Variants in QTRT2 observed in about 807,000 individuals in gnomAD.
QTRT2 encodes queuine tRNA-ribosyltransferase domain containing 1.
Under a neutral mutation model 44.8 loss-of-function variants are expected in QTRT2, and 32 were observed. That is an observed-to-expected ratio of 0.71 (90% CI 0.54 to 0.96). The LOEUF is 0.96. Ranked by LOEUF, QTRT2 falls within the 40% of genes least tolerant of loss-of-function variation. The probability of loss-of-function intolerance (pLI) is 0.00; values close to 1 mark genes in which losing one functional copy is unlikely to be tolerated. For missense variants in QTRT2, 461 were observed against 503.1 expected (o/e 0.92, Z 0.80); for synonymous variants, 182 against 187.4 (o/e 0.97, Z 0.24).
In QTRT2 at chr3:114,082,687, A is replaced by G; in HGVS notation, c.909A>G (p.Gln303=). ...TGGTTTGTCCTTCAGTACTACAACAAAATGGAACACAAGAAGAAATAAAAT... is the reference window on the plus strand; with the variant it reads ...TGGTTTGTCCTTCAGTACTACAACAGAATGGAACACAAGAAGAAATAAAAT... ...QPNPEETLLQ[Q]NGTQEEIKCM... The change falls in exon 9 of 10, where the codon CAA becomes CAG. Residue 303 remains glutamine, a synonymous_variant. Coordinates refer to ENST00000281273, the MANE Select transcript of QTRT2 (RefSeq NM_024638.4). 2.1e-6 allele frequency: 3 copies of G among 1,452,694 alleles called. No homozygotes were observed. Among genetic ancestry groups the G allele is most frequent in the Non-Finnish European group, 2.8e-6 (3 of 1,057,748 alleles). The allele number at this position is 1,452,694 out of a possible 1,614,324, so 90.0% of individuals were successfully genotyped here.
At chr3:114,080,430 C>T (rs1166078176) in intron 8 of QTRT2, among the ~76,000 whole-genome samples, 1 of 152,130 alleles carries the variant, frequency 6.6e-6, no homozygotes. Context: ...GCTTTGCAAA[C>T]CCTATGCTAT....
Position 114,065,403 on chromosome 3 carries a change from C to T in QTRT2, c.146C>T (p.Thr49Met), listed in dbSNP as rs148580228. The T allele has an allele frequency of 1.1e-5, 17 of 1,614,130 alleles. No homozygotes were observed. In the East Asian group the frequency reaches 1.1e-4, roughly 11 times the overall value. The part of the protein sequence containing the change: ...TGSAPHLTHH[T>M]LHNIHGVPAM... ...TCCGCCCCACACCTCACCCATCACA[C>T]GCTGCATAATATCCACGGGGTTCCT... is the stretch of plus-strand genomic sequence containing the variant. Residue 49 changes from threonine (T) to methionine (M), a missense_variant, in exon 3 of 10, where the codon ACG becomes ATG. Transcript: ENST00000281273.
intron 4 of QTRT2, chr3:114,066,558 T>C: frequency 2.5e-6 from 1 of 394,406 alleles, no homozygotes; most frequent in South Asian, 3.2e-5. Flanking sequence ...ATGGATATCA[T>C]GACAGGCCAG....
chr3:114,069,750 G>T (rs1205397205), intron 5 of QTRT2, among the ~76,000 whole-genome samples: 1 of 152,004 alleles, frequency 6.6e-6, no homozygotes, highest in Non-Finnish European at 1.5e-5. Context: ...TATTGCTCTG[G>T]GTATATGCCC....
intron 6 of QTRT2, among the ~76,000 whole-genome samples, chr3:114,071,873 G>T (rs766097401): frequency 1.3e-5 from 2 of 152,146 alleles, no homozygotes; most frequent in Non-Finnish European, 2.9e-5. Flanking sequence ...TTCCCTAAAA[G>T]AATTTAATGA....
chr3:114,086,154 G>T lies in QTRT2; in HGVS notation c.*250G>T. The T allele has an allele frequency of 2.3e-6, 1 of 434,952 alleles. No individual in the cohort carries two copies. Among genetic ancestry groups the T allele is most frequent in the Non-Finnish European group, 4.3e-6 (1 of 234,498 alleles). The allele number at this position is 434,952 out of a possible 1,614,324, so 26.9% of individuals were successfully genotyped here. Reference sequence around the variant, plus strand: ...TAAGACTTCTAGACTAATTCTTTTAGTTGATAGAGATTCATTTAGTCAAAG... The same window carrying T: ...TAAGACTTCTAGACTAATTCTTTTATTTGATAGAGATTCATTTAGTCAAAG... On this transcript the variant is annotated 3_prime_UTR_variant, in exon 10 of 10. Transcript: ENST00000281273.
In QTRT2 at chr3:114,076,809, TCAGCACGAGAGA is replaced by T; in HGVS notation, c.618_629del (p.Arg207_Ala210del). ...AGATGTGATGGAAGAGAGGCTGAGG[TCAGCACGAGAGA>T]CAGCCAAGCGGCCTGTGGGTGGCTT... is the stretch of plus-strand genomic sequence containing the variant. On this transcript the variant is annotated inframe_deletion, in exon 7 of 10. Coordinates refer to ENST00000281273, the MANE Select transcript of QTRT2 (RefSeq NM_024638.4). 1 of 1,614,112 alleles carries T rather than the reference TCAGCACGAGAGA, an allele frequency of 6.2e-7. No individual in the cohort carries two copies. The highest frequency in any genetic ancestry group is 8.5e-7 in the Non-Finnish European group (1 of 1,180,004).
intron 2 of QTRT2, chr3:114,057,375 A>G (rs1427922061): frequency 6.5e-6 from 1 of 153,050 alleles, no homozygotes; most frequent in Admixed American, 6.5e-5. Flanking sequence ...AACTTGTTTA[A>G]TAACTCAGAG....
chr3:114,085,064 T>C (rs775180090), intron 9 of QTRT2, among the ~76,000 whole-genome samples: 12 of 152,222 alleles, frequency 7.9e-5, no homozygotes, highest in Non-Finnish European at 1.6e-4. Flanking sequence ...CATTATGTGC[T>C]TTTACAATGT....
At chr3:114,067,152 T>C (rs1339077743) in intron 4 of QTRT2, among the ~76,000 whole-genome samples, 1 of 152,194 alleles carries the variant, frequency 6.6e-6, no homozygotes, top group Non-Finnish European at 1.5e-5. Flanking sequence ...CCCTGTATTT[T>C]AGTAGAGGAA....
At chr3:114,085,623 AT>A (rs1244972799) in intron 9 of QTRT2, 49 bp from the exon 10 acceptor site, 1 of 1,475,750 alleles carries the variant, frequency 6.8e-7, no homozygotes, top group Non-Finnish European at 9.5e-7. Flanking sequence ...GAGGTTGTGG[AT>A]TTCTTGTATT....
At chr3:114,072,341 C>T (rs964039605) in intron 6 of QTRT2, among the ~76,000 whole-genome samples, 4 of 152,032 alleles carry the variant, frequency 2.6e-5, no homozygotes, top group African/African-American at 9.7e-5. Context: ...TTAGCTGAGA[C>T]GAGGTTTCAC....
In QTRT2 at chr3:114,063,418, A is replaced by G. The variant is rs993586538; in HGVS notation, c.-21-1819A>G. 7.9e-5 allele frequency among the ~76,000 whole-genome samples: 12 copies of G among 152,298 alleles called. No homozygotes were observed. In the East Asian group the frequency reaches 2.1e-3, roughly 27 times the overall value. On this transcript the variant is annotated intron_variant, in intron 2 of 9. Coordinates refer to ENST00000281273, the MANE Select transcript of QTRT2 (RefSeq NM_024638.4). ...TTTATTAGCTTATAAGTATAGTTTT[A>G]CAGTTTTCTTAAATGAACCTTCTTG...
chr3:114,065,320 C>G lies in QTRT2; in HGVS notation c.63C>G (p.Gly21=). The G allele has an allele frequency of 6.2e-7, 1 of 1,614,060 alleles. No individual in the cohort carries two copies. The highest frequency in any genetic ancestry group is 8.5e-7 in the Non-Finnish European group (1 of 1,179,970). ...GCCTAGGAAAAATAAAAAACCTGGG[C>G]AAAACAGGGGACCACACCATGGATA... ...GCRLGKIKNL[G]KTGDHTMDIP... is the part of the protein sequence containing the mutation. Residue 21 remains glycine, a synonymous_variant, in exon 3 of 10, where the codon GGC becomes GGG. Transcript: ENST00000281273.
intron 6 of QTRT2, among the ~76,000 whole-genome samples, chr3:114,075,766 CCTG>C (rs1054828012): frequency 2.0e-5 from 3 of 152,058 alleles, no homozygotes; most frequent in African/African-American, 7.2e-5. Context: ...GCCTCGGCCT[CCTG>C]CTGGGATTAC....
chr3:114,077,544 T>C (rs916529097), intron 7 of QTRT2: 2 of 153,134 alleles, frequency 1.3e-5, no homozygotes, highest in African/African-American at 4.8e-5. Context: ...AGTTTCTGAA[T>C]GCAGCTGATA....
At chr3:114,073,231 T>C (rs2077046499) in intron 6 of QTRT2, among the ~76,000 whole-genome samples, 1 of 152,094 alleles carries the variant, frequency 6.6e-6, no homozygotes, top group Non-Finnish European at 1.5e-5. Flanking sequence ...GGACTAGTAA[T>C]GTTTGGGTAA....
intron 2 of QTRT2, among the ~76,000 whole-genome samples, chr3:114,059,344 A>G (rs1006653679): frequency 3.3e-5 from 5 of 152,256 alleles, no homozygotes; most frequent in African/African-American, 1.2e-4. Flanking sequence ...ATAAAGGCAA[A>G]TAAAAACTAG....
intron 2 of QTRT2, among the ~76,000 whole-genome samples, chr3:114,062,955 A>G (rs978185751): frequency 6.6e-6 from 1 of 152,242 alleles, no homozygotes; most frequent in African/African-American, 2.4e-5. Context: ...GGAGTAAGAT[A>G]GAATTTTTGG....
Sources: allele counts gnomAD v4.1 joint callset (sites outside exome capture counted in the v4.1 genomes callset), GRCh38; gene constraint gnomAD v4.1.1; transcripts MANE v1.5; gene names NCBI Gene and HGNC (gene_info 2026-07-23, HGNC 2026-07-21).